The following PLCE1 variants were observed in gnomAD, a reference collection of about 807,000 sequenced individuals.
PLCE1 encodes the protein phospholipase C epsilon 1.
PLCE1 carries 119 observed loss-of-function variants against 242.8 expected under a neutral mutation model. The ratio of observed to expected loss-of-function variants is 0.49; its 90% CI spans 0.42 to 0.57. The LOEUF (loss-of-function observed/expected upper bound fraction) is 0.57. Ranked by LOEUF, PLCE1 falls within the 20% of genes least tolerant of loss-of-function variation. PLCE1 has a pLI of 0.00. For missense variants in PLCE1, 2,441 were observed against 2,788.8 expected, an observed-to-expected ratio of 0.88 and a Z score of 2.81; for synonymous variants, 945 against 1,017.4, an observed-to-expected ratio of 0.93 and a Z score of 1.35.
At chr10:94,216,779 T>C (rs1192285108) in intron 4 of PLCE1, among the ~76,000 whole-genome samples, 3 of 152,036 alleles carry the variant, frequency 2.0e-5, no homozygotes, top group Non-Finnish European at 2.9e-5. Context: ...ACATTCTCTG[T>C]GACTTCTCAG....
chr10:94,282,230 C>CA (rs2052260680), intron 20 of PLCE1, among the ~76,000 whole-genome samples: 1 of 151,084 alleles, frequency 6.6e-6, no homozygotes, highest in African/African-American at 2.4e-5. Context: ...AATCTAACAC[C>CA]ATTTGGGCTA....
chr10:94,301,343 C>CA lies in PLCE1; in HGVS notation c.5458+2685dup, dbSNP rs897921867. 3.3e-3 allele frequency among the ~76,000 whole-genome samples: 436 copies of CA among 131,246 alleles called. 4 individuals are homozygous for CA. Among genetic ancestry groups the CA allele is most frequent in the African/African-American group, 9.2e-3 (326 of 35,274 alleles). 86.1% of individuals were successfully genotyped at this position (131,246 alleles called of 152,430 possible). ...TGGGCGACAAAGTGAGATACTATCTCAAAAAAAAAAAGAAAAAGAAAATTA... is the reference window on the plus strand; with the variant it reads ...TGGGCGACAAAGTGAGATACTATCTCAAAAAAAAAAAAGAAAAAGAAAATTA... On this transcript the variant is annotated intron_variant, in intron 24 of 32. Coordinates refer to ENST00000371380, the MANE Select transcript of PLCE1 (RefSeq NM_016341.4).
At chr10:94,256,630 G>C (rs939524333) in intron 11 of PLCE1, among the ~76,000 whole-genome samples, 2 of 152,134 alleles carry the variant, frequency 1.3e-5, no homozygotes, top group African/African-American at 4.8e-5. Context: ...TGGGTAAACA[G>C]CAAGGAACCT....
intron 3 of PLCE1, among the ~76,000 whole-genome samples, chr10:94,158,229 C>T (rs2047493281): frequency 6.6e-6 from 1 of 152,142 alleles, no homozygotes. Context: ...CATTCCATAT[C>T]TAGAAGGTTA....
chr10:94,163,230 C>T (rs1007940033), intron 3 of PLCE1, among the ~76,000 whole-genome samples: 29 of 152,164 alleles, frequency 1.9e-4, no homozygotes, highest in Middle Eastern at 6.8e-3. Flanking sequence ...TCTGTCTCAT[C>T]GATCTGTCTA....
intron 28 of PLCE1, 60 bp downstream of exon 28, chr10:94,313,442 T>C: frequency 1.9e-6 from 3 of 1,584,416 alleles, no homozygotes; most frequent in East Asian, 2.2e-5. Context: ...GATGTATGTG[T>C]GTGTATAAAT....
intron 1 of PLCE1, among the ~76,000 whole-genome samples, chr10:94,025,845 C>A (rs955217763): frequency 6.6e-6 from 1 of 152,142 alleles, no homozygotes. Context: ...TCTAACCATG[C>A]ATTTCATTAA....
At chr10:94,199,183 T>A (rs531775870) in intron 4 of PLCE1, among the ~76,000 whole-genome samples, 1 of 152,386 alleles carries the variant, frequency 6.6e-6, no homozygotes, top group African/African-American at 2.4e-5. Context: ...ATTTTCAGCT[T>A]TTATGCCATT....
intron 24 of PLCE1, among the ~76,000 whole-genome samples, chr10:94,300,868 C>A (rs2053009650): frequency 6.6e-6 from 1 of 152,024 alleles, no homozygotes; most frequent in South Asian, 2.1e-4. Flanking sequence ...CGAGACCAGC[C>A]TGTCCAGCAT....
chr10:94,141,426 C>T (rs1388995042), intron 3 of PLCE1, among the ~76,000 whole-genome samples: 1 of 151,648 alleles, frequency 6.6e-6, no homozygotes, highest in African/African-American at 2.4e-5. Context: ...GCCTAATTCT[C>T]CATAAAGTTT....
intron 2 of PLCE1, among the ~76,000 whole-genome samples, chr10:94,058,132 C>A (rs1004258173): frequency 9.9e-5 from 15 of 152,196 alleles, no homozygotes; most frequent in African/African-American, 3.6e-4. Context: ...GGAACTCCTA[C>A]AATTAACAAT....
intron 3 of PLCE1, among the ~76,000 whole-genome samples, chr10:94,145,129 A>C (rs1010715565): frequency 6.6e-6 from 1 of 152,240 alleles, no homozygotes; most frequent in Non-Finnish European, 1.5e-5. Context: ...TTGTACCCCA[A>C]ATTAAAATAT....
At chr10:94,017,321 T>G (rs1424358646) in intron 1 of PLCE1, among the ~76,000 whole-genome samples, 2 of 152,220 alleles carry the variant, frequency 1.3e-5, no homozygotes, top group African/African-American at 2.4e-5. Context: ...TTTGCTTCAT[T>G]TTTTTCTTTT....
intron 4 of PLCE1, among the ~76,000 whole-genome samples, chr10:94,215,515 G>T (rs1564796013): frequency 6.6e-6 from 1 of 152,166 alleles, no homozygotes; most frequent in African/African-American, 2.4e-5. Flanking sequence ...GCTCAGGGAC[G>T]GCCTCCTGGA....
chr10:93,995,220 G>T (rs1403276463), intron 1 of PLCE1, among the ~76,000 whole-genome samples: 1 of 152,138 alleles, frequency 6.6e-6, no homozygotes, highest in East Asian at 1.9e-4. Flanking sequence ...GAGAGAGGTG[G>T]ACTATCTCTA....
intron 5 of PLCE1, 117 bp from the exon 6 acceptor site, chr10:94,233,937 G>C (rs2050230703): frequency 3.3e-6 from 3 of 902,288 alleles, no homozygotes; most frequent in Non-Finnish European, 5.2e-6. Context: ...AACAGAGTGA[G>C]ACTCCACCTA....
chr10:94,071,063 G>A (rs1365691488), intron 2 of PLCE1, among the ~76,000 whole-genome samples: 2 of 152,156 alleles, frequency 1.3e-5, no homozygotes, highest in Non-Finnish European at 2.9e-5. Flanking sequence ...TGAAGTTCAG[G>A]AAGGCTAAGC....
At chr10:94,138,557 T>G in intron 3 of PLCE1, 1 of 473,170 alleles carries the variant, frequency 2.1e-6, no homozygotes, top group South Asian at 1.7e-5. Context: ...AGACTCCATC[T>G]GGGGATCAGT....
At chr10:94,028,165 C>T (rs772901611) in intron 1 of PLCE1, among the ~76,000 whole-genome samples, 16 of 152,216 alleles carry the variant, frequency 1.1e-4, no homozygotes, top group Non-Finnish European at 1.9e-4. Context: ...AATGTAGTGG[C>T]TCAAAGCAAT....
Sources: allele counts gnomAD v4.1 joint callset (sites outside exome capture counted in the v4.1 genomes callset), GRCh38; gene constraint gnomAD v4.1.1; transcripts MANE v1.5; gene names NCBI Gene and HGNC (gene_info 2026-07-23, HGNC 2026-07-21).